Variants in SMYD3 observed in about 807,000 individuals in gnomAD.
The protein encoded by SMYD3 is histone-lysine N-methyltransferase SMYD3.
Under a neutral mutation model 57.7 loss-of-function variants are expected in SMYD3, and 36 were observed. That is an observed-to-expected ratio of 0.62 (90% CI 0.48 to 0.82). The LOEUF (loss-of-function observed/expected upper bound fraction) is 0.82, where lower values mean the gene tolerates loss of function less well. Among genes scored for constraint, SMYD3 ranks in the 40% least tolerant of loss-of-function variants. The pLI, the probability that SMYD3 is intolerant of heterozygous loss-of-function variation, is 0.00. For synonymous variants in SMYD3, 211 were observed against 195.0 expected, an observed-to-expected ratio of 1.08 and a Z score of -0.68; for missense variants, 515 against 538.8, an observed-to-expected ratio of 0.96 and a Z score of 0.44.
intron 5 of SMYD3, among the ~76,000 whole-genome samples, chr1:246,085,281 T>A (rs900495436): frequency 2.6e-5 from 4 of 152,182 alleles, no homozygotes; most frequent in African/African-American, 9.7e-5. Context: ...ATGTTTATCA[T>A]CTGACACATG....
chr1:246,337,602 G>A (rs1012518706), intron 2 of SMYD3, among the ~76,000 whole-genome samples: 2 of 152,090 alleles, frequency 1.3e-5, no homozygotes, highest in Non-Finnish European at 2.9e-5. Context: ...AGGCAGGAAC[G>A]GATAACATAG....
intron 10 of SMYD3, among the ~76,000 whole-genome samples, chr1:245,850,157 C>T (rs139450408): frequency 2.0e-4 from 31 of 152,252 alleles, no homozygotes; most frequent in African/African-American, 3.4e-4. Context: ...TGTCACAGGT[C>T]GCCCTGGCCA....
chr1:246,481,941 G>C (rs1239583218), intron 1 of SMYD3, among the ~76,000 whole-genome samples: 1 of 151,676 alleles, frequency 6.6e-6, no homozygotes, highest in Non-Finnish European at 1.5e-5. Flanking sequence ...AGGATCACTC[G>C]AGTCCTGGAG....
intron 10 of SMYD3, among the ~76,000 whole-genome samples, chr1:245,787,213 C>G (rs1481827676): frequency 6.6e-6 from 1 of 152,190 alleles, no homozygotes; most frequent in Admixed American, 6.5e-5. Flanking sequence ...AACGCTTGTG[C>G]AAATTACAGC....
intron 5 of SMYD3, among the ~76,000 whole-genome samples, chr1:246,303,820 A>C (rs182361267): frequency 6.6e-6 from 1 of 152,324 alleles, no homozygotes; most frequent in East Asian, 1.9e-4. Flanking sequence ...CAGTTTGTCC[A>C]TATCATGTTT....
chr1:245,812,215 A>C (rs1477842471), intron 10 of SMYD3, among the ~76,000 whole-genome samples: 1 of 152,174 alleles, frequency 6.6e-6, no homozygotes, highest in Non-Finnish European at 1.5e-5. Flanking sequence ...TGAAGGACTA[A>C]AGTCCAACAG....
rs535002077 is a variant in SMYD3 at position 246,105,913 on chromosome 1, C to T, written c.532-175976G>A. ...CAAACTTGTTTGGCTGCCTCCTTATCGAAACTTTACAAAACTTTAATTTCA... is the reference window on the plus strand; with the variant it reads ...CAAACTTGTTTGGCTGCCTCCTTATTGAAACTTTACAAAACTTTAATTTCA... On this transcript the variant is annotated intron_variant, in intron 5 of 11. Coordinates refer to ENST00000490107, the MANE Select transcript of SMYD3 (RefSeq NM_001167740.2). Among the ~76,000 whole-genome samples the T allele has an allele frequency of 5.9e-5, 9 of 152,280 alleles. 1 individual carries two copies. The South Asian group carries it at 1.7e-3, about 28-fold the overall frequency.
At chr1:245,879,579 G>A (rs2052667484) in intron 8 of SMYD3, among the ~76,000 whole-genome samples, 1 of 152,204 alleles carries the variant, frequency 6.6e-6, no homozygotes, top group Non-Finnish European at 1.5e-5. Flanking sequence ...CAATTCTTAG[G>A]GTTTTTCCTT....
intron 5 of SMYD3, among the ~76,000 whole-genome samples, chr1:246,149,520 T>C (rs2061909428): frequency 6.6e-6 from 1 of 152,234 alleles, no homozygotes; most frequent in Non-Finnish European, 1.5e-5. Context: ...AAATTTTAAC[T>C]ACCTTCACCA....
intron 1 of SMYD3, among the ~76,000 whole-genome samples, chr1:246,479,030 G>C (rs1192448450): frequency 6.7e-6 from 1 of 149,278 alleles, no homozygotes. Flanking sequence ...CCTCTGTCCT[G>C]GAGCTGATAC....
At chr1:245,980,830 T>C (rs1279988588) in intron 5 of SMYD3, among the ~76,000 whole-genome samples, 1 of 152,222 alleles carries the variant, frequency 6.6e-6, no homozygotes, top group Non-Finnish European at 1.5e-5. Context: ...TGGCATTGTC[T>C]AGACTAGCAG....
chr1:245,855,388 T>C (rs1262975669), intron 10 of SMYD3, among the ~76,000 whole-genome samples: 1 of 152,170 alleles, frequency 6.6e-6, no homozygotes, highest in Non-Finnish European at 1.5e-5. Context: ...CATGGGTTAG[T>C]CTGGAGACAT....
chr1:246,414,349 G>A lies in SMYD3; in HGVS notation c.165-59255C>T, dbSNP rs145017801. ...TGGAAAATATGAAAGGAAAAACTAA[G>A]AACATTATCTTGGTAAGTTAGCAAA... On this transcript the variant is annotated intron_variant, in intron 1 of 11. Coordinates refer to ENST00000490107, the MANE Select transcript of SMYD3 (RefSeq NM_001167740.2). Among the ~76,000 whole-genome samples the A allele has an allele frequency of 8.5e-5, 13 of 152,256 alleles. No homozygotes were observed. The East Asian group carries it at 2.1e-3, about 25-fold the overall frequency.
At chr1:245,958,345 C>T (rs762778568) in intron 5 of SMYD3, among the ~76,000 whole-genome samples, 2 of 152,186 alleles carry the variant, frequency 1.3e-5, no homozygotes, top group African/African-American at 2.4e-5. Context: ...ACAATCTGGC[C>T]TCTGCATCCT....
intron 5 of SMYD3, among the ~76,000 whole-genome samples, chr1:246,018,830 C>G (rs1235327434): frequency 6.6e-6 from 1 of 151,730 alleles, no homozygotes; most frequent in African/African-American, 2.4e-5. Context: ...TCTCAAACTC[C>G]TGTGCTCAAG....
intron 4 of SMYD3, among the ~76,000 whole-genome samples, chr1:246,328,954 C>T (rs939498458): frequency 2.7e-5 from 4 of 150,462 alleles, no homozygotes; most frequent in African/African-American, 7.3e-5. Flanking sequence ...GGTTTTTTGT[C>T]CTTGCAATAG....
intron 8 of SMYD3, among the ~76,000 whole-genome samples, chr1:245,865,316 C>T (rs2051774329): frequency 6.6e-6 from 1 of 152,098 alleles, no homozygotes; most frequent in Admixed American, 6.6e-5. Flanking sequence ...GGCACACTGT[C>T]TATAGAATAC....
intron 1 of SMYD3, among the ~76,000 whole-genome samples, chr1:246,500,553 C>T (rs192361753): frequency 1.3e-5 from 2 of 152,316 alleles, no homozygotes; most frequent in East Asian, 3.9e-4. Context: ...CACAAGGTGG[C>T]TGGCTGGTCC....
chr1:246,197,170 A>C (rs2062840071), intron 5 of SMYD3, among the ~76,000 whole-genome samples: 1 of 152,232 alleles, frequency 6.6e-6, no homozygotes, highest in African/African-American at 2.4e-5. Flanking sequence ...TATAAATAAA[A>C]GACAAATCTC....
Sources: gnomAD v4.1 joint callset for allele counts (sites outside exome capture counted in the v4.1 genomes callset) on GRCh38, gnomAD v4.1.1 for gene constraint, MANE v1.5 for transcripts, NCBI Gene and HGNC (gene_info 2026-07-23, HGNC 2026-07-21) for gene names.